The following MGAM variants were observed in gnomAD, a reference collection of about 807,000 sequenced individuals.
The protein encoded by MGAM is alpha-1,4-glucosidase.
Under a neutral mutation model 358.8 loss-of-function variants are expected in MGAM, and 253 were observed. The observed-to-expected ratio is 0.71, with a 90% CI of 0.64 to 0.78. The LOEUF (loss-of-function observed/expected upper bound fraction) is 0.78, where lower values mean the gene tolerates loss of function less well. Among genes scored for constraint, MGAM ranks in the 30% least tolerant of loss-of-function variants. The pLI is 0.00. For missense variants in MGAM, 3,080 were observed against 3,432.6 expected, an observed-to-expected ratio of 0.90 and a Z score of 2.57; for synonymous variants, 1,105 against 1,227.1, an observed-to-expected ratio of 0.90 and a Z score of 2.08.
In MGAM at chr7:142,027,175, T is replaced by C. The variant is rs1042240078; in HGVS notation, c.1043T>C (p.Phe348Ser). ...CGCACCATTGGGGGCATTCTCGACT[T>C]CTATGTGTTCTTGGGAAACACTCCA... ...TYRTIGGILD[F>S]YVFLGNTPEQ... The change falls in exon 9 of 71, where the codon TTC becomes TCC. Residue 348 changes from phenylalanine (F) to serine (S), a missense_variant. By Grantham distance (155) the Phe-to-Ser change is radical. Coordinates refer to ENST00000475668, the MANE Select transcript of MGAM (RefSeq NM_001365693.1). The C allele has an allele frequency of 1.9e-6, 3 of 1,613,662 alleles. No individual in the cohort carries two copies. The highest frequency in any genetic ancestry group is 1.7e-5 in the Admixed American group (1 of 59,996).
At chr7:142,061,488 C>T (rs1040333633) in intron 34 of MGAM, among the ~76,000 whole-genome samples, 2 of 152,134 alleles carry the variant, frequency 1.3e-5, no homozygotes, top group African/African-American at 2.4e-5. Context: ...CTGCCAGACC[C>T]ATATAGGCTG....
rs1452639015 is a variant in MGAM, at chr7:142,067,958, ATATATAAATATATATATATATATATATAT to A, written c.5004+535_5004+563del. Among the ~76,000 whole-genome samples the A allele has an allele frequency of 1.2e-3, 36 of 29,504 alleles. 1 individual carries two copies. The highest frequency in any genetic ancestry group is 0.015 in the Middle Eastern group (1 of 66). 19.4% of individuals were successfully genotyped at this position (29,504 alleles called of 152,430 possible). A position where few individuals can be genotyped will look rare whatever the true frequency, so the allele number is the denominator to read the frequency against. ...CAAATATATATATATATATATATATATATATAAATATATATATATATATATATATTTTTTTTTTTTTTTTTTTGAGACAG... is the reference window on the plus strand; with the variant it reads ...CAAATATATATATATATATATATATATTTTTTTTTTTTTTTTTTGAGACAG... On this transcript the variant is annotated intron_variant, in intron 42 of 70. Coordinates refer to ENST00000475668, the MANE Select transcript of MGAM (RefSeq NM_001365693.1).
chr7:142,021,066 A>C lies in MGAM; in HGVS notation c.541A>C (p.Asn181His), dbSNP rs201586821. Reference sequence around the variant, plus strand: ...TCTCACAGCAGAATATCAGACATCTAATCGTTTCCACTTTAAGGTTGTAAT... The same window carrying C: ...TCTCACAGCAGAATATCAGACATCTCATCGTTTCCACTTTAAGGTTGTAAT... ...VLLTAEYQTS[N>H]RFHFKLTDQT... Residue 181 changes from asparagine to histidine, a missense_variant, in exon 5 of 71, where the codon AAT (asparagine) becomes CAT (histidine). Around this residue, in one of 5 missense-constraint regions of MGAM, gnomAD observed 1,816 missense variants for 1,840.5 expected, o/e 0.99. Coordinates refer to ENST00000475668, the MANE Select transcript of MGAM (RefSeq NM_001365693.1). The C allele has an allele frequency of 6.2e-7, 1 of 1,606,690 alleles. No homozygotes were observed. Among genetic ancestry groups the C allele is most frequent in the African/African-American group, 1.3e-5 (1 of 74,452 alleles).
At chr7:142,071,184 C>T (rs1813319369) in intron 44 of MGAM, 66 bp downstream of exon 44, 3 of 1,473,288 alleles carry the variant, frequency 2.0e-6, no homozygotes, top group Non-Finnish European at 2.8e-6. Flanking sequence ...ATGAAGTCTA[C>T]CAAAATGTAA....
intron 21 of MGAM, among the ~76,000 whole-genome samples, chr7:142,043,628 T>TATACATATACTATCTAATATATAATACA (rs1809406570): frequency 6.2e-5 from 4 of 64,494 alleles, no homozygotes; most frequent in African/African-American, 1.7e-4. Context: ...AATACATATA[T>TATACATATACTATCTAATATATAATACA]TATATATACA....
intron 67 of MGAM, among the ~76,000 whole-genome samples, chr7:142,100,562 AT>A (rs1816350979): frequency 6.6e-6 from 1 of 152,226 alleles, no homozygotes; most frequent in African/African-American, 2.4e-5. Flanking sequence ...GGTTGTCATT[AT>A]TTTAAGAGCC....
intron 51 of MGAM, 48 bp from the exon 52 acceptor site, chr7:142,082,427 G>A: frequency 7.2e-7 from 1 of 1,382,760 alleles, no homozygotes; most frequent in South Asian, 1.2e-5. Context: ...TTCTTTCTCA[G>A]GCATAATGTC....
rs1430116455 is a variant in MGAM, at chr7:142,103,284, C to T, written c.8029C>T (p.His2677Tyr). 2 of 1,606,258 alleles carry T rather than the reference C, an allele frequency of 1.2e-6. No individual in the cohort carries two copies. Among genetic ancestry groups the T allele is most frequent in the Non-Finnish European group, 1.7e-6 (2 of 1,177,100 alleles). Reference protein sequence around the residue: ...FSASQNTMQSHIIFNNYITGT... With the variant: ...FSASQNTMQSYIIFNNYITGT... Reference sequence around the variant, plus strand: ...AATTCAACAGAATACGATGCAAAGCCATATAATTTTCAACAATTACATCAC... The same window carrying T: ...AATTCAACAGAATACGATGCAAAGCTATATAATTTTCAACAATTACATCAC... The change falls in exon 70 of 71, where the codon CAT becomes TAT. Residue 2677 changes from histidine (H) to tyrosine (Y), a missense_variant. This residue lies in a region of MGAM where 194 missense variants were observed against 172.8 expected (regional missense o/e 1.12). Coordinates refer to ENST00000475668, the MANE Select transcript of MGAM (RefSeq NM_001365693.1).
chr7:142,034,849 G>A lies in MGAM; in HGVS notation c.1959+8G>A. 1 of 1,606,372 alleles carries A rather than the reference G, an allele frequency of 6.2e-7. No individual in the cohort carries two copies. The highest frequency in any genetic ancestry group is 1.1e-5 in the South Asian group (1 of 90,530). On this transcript the variant is annotated splice_region_variant and intron_variant, in intron 16 of 70. Coordinates refer to ENST00000475668, the MANE Select transcript of MGAM (RefSeq NM_001365693.1). ...CTTTTTGGCATCCCAATGGTGAGCT[G>A]CTACCTCAAGCTCTCTTATGAACCT...
At chr7:142,096,006 T>C in intron 64 of MGAM, 1 of 601,038 alleles carries the variant, frequency 1.7e-6, no homozygotes, top group Non-Finnish European at 2.9e-6. Context: ...TGGTTATATG[T>C]AGCCAGATCA....
intron 34 of MGAM, among the ~76,000 whole-genome samples, chr7:142,062,109 A>T (rs1251952482): frequency 1.3e-5 from 2 of 152,218 alleles, no homozygotes; most frequent in Non-Finnish European, 2.9e-5. Context: ...TCTAATATCC[A>T]GAAATGTAAT....
At chr7:142,083,483 T>C (rs1814501588) in intron 53 of MGAM, 70 bp downstream of exon 53, 2 of 1,104,010 alleles carry the variant, frequency 1.8e-6, no homozygotes, top group Non-Finnish European at 2.6e-6. Context: ...CCACATTCAT[T>C]AGTATAACTC....
intron 68 of MGAM, among the ~76,000 whole-genome samples, chr7:142,101,544 G>A (rs532980715): frequency 3.6e-4 from 54 of 151,910 alleles, no homozygotes; most frequent in African/African-American, 1.2e-3. Flanking sequence ...ACTAGTGACT[G>A]CTATCTTAGA....
At chr7:142,061,917 T>A (rs1812239926) in intron 34 of MGAM, among the ~76,000 whole-genome samples, 1 of 152,182 alleles carries the variant, frequency 6.6e-6, no homozygotes, top group African/African-American at 2.4e-5. Flanking sequence ...TACAATGTAG[T>A]TAAAAAGTTG....
rs190387490 is a variant in MGAM at position 142,081,435 on chromosome 7, G to A, written c.6002+490G>A. 5.0e-4 allele frequency among the ~76,000 whole-genome samples: 73 copies of A among 145,646 alleles called. 9 individuals are homozygous for A. Among genetic ancestry groups the A allele is most frequent in the Admixed American group, 3.5e-3 (51 of 14,490 alleles). On this transcript the variant is annotated intron_variant, in intron 50 of 70. Transcript: ENST00000475668. ...CTGGATGAGAAGGAGCCACCCACAT[G>A]AGACAGGGCGAAGGGAAAGAGCATT...
At chr7:142,006,017 TAGAAA>T (rs782199164) in intron 2 of MGAM, among the ~76,000 whole-genome samples, 1 of 151,746 alleles carries the variant, frequency 6.6e-6, no homozygotes, top group Non-Finnish European at 1.5e-5. Flanking sequence ...AATAGAAATA[TAGAAA>T]TAAAAAGAAA....
At position 142,093,702 on chromosome 7, in the gene MGAM, G is replaced by A. The variant is rs183254941; in HGVS notation, c.7172+152G>A. ...ATGATTCTTATTAGATAAACACTTA[G>A]TGACATGGAGCCAGGCCCTGTGATT... On this transcript the variant is annotated intron_variant, in intron 60 of 70. Transcript: ENST00000475668. Among the ~76,000 whole-genome samples, 8 of 146,466 alleles carry A rather than the reference G, an allele frequency of 5.5e-5. 3 individuals are homozygous for A. Among genetic ancestry groups the A allele is most frequent in the Admixed American group, 4.1e-4 (6 of 14,622 alleles).
chr7:142,034,419 T>C, intron 15 of MGAM, 40 bp downstream of exon 15: 1 of 1,315,702 alleles, frequency 7.6e-7, no homozygotes, highest in Non-Finnish European at 1.1e-6. Flanking sequence ...TTATTGAATA[T>C]AAAGAATATA....
chr7:142,085,933 C>T lies in MGAM; in HGVS notation c.6608C>T (p.Ala2203Val). 1 of 1,566,150 alleles carries T rather than the reference C, an allele frequency of 6.4e-7. No homozygotes were observed. The highest frequency in any genetic ancestry group is 1.1e-5 in the South Asian group (1 of 89,348). Residue 2203 changes from alanine to valine, a missense_variant, in exon 55 of 71, where the codon GCT becomes GTT. By Grantham distance (64) the Ala-to-Val change is moderately conservative. Coordinates refer to ENST00000475668, the MANE Select transcript of MGAM (RefSeq NM_001365693.1). ...GFPALINRMKADGMRVILILD... is the reference protein window; with the variant it reads ...GFPALINRMKVDGMRVILILD... ...CCAGCTCTGATCAATCGCATGAAGGCTGATGGGATGCGGGTCATCCTCATT... is the reference window on the plus strand; with the variant it reads ...CCAGCTCTGATCAATCGCATGAAGGTTGATGGGATGCGGGTCATCCTCATT...
Sources: allele counts gnomAD v4.1 joint callset (sites outside exome capture counted in the v4.1 genomes callset), GRCh38; gene constraint gnomAD v4.1.1; regional missense constraint gnomAD v4.1.1; transcripts MANE v1.5; gene names NCBI Gene and HGNC (gene_info 2026-07-23, HGNC 2026-07-21).